The following DNAJC17 variants were observed in gnomAD, a reference collection of about 807,000 sequenced individuals.
DNAJC17 encodes the protein dnaJ homolog subfamily C member 17.
DNAJC17 carries 35 observed loss-of-function variants against 48.1 expected under a neutral mutation model. The observed-to-expected ratio is 0.73, with a 90% CI of 0.56 to 0.96. DNAJC17 has a LOEUF of 0.96. Among genes scored for constraint, DNAJC17 ranks in the 50% least tolerant of loss-of-function variants. The pLI, the probability that DNAJC17 is intolerant of heterozygous loss-of-function variation, is 0.00. For synonymous variants in DNAJC17, 117 were observed against 142.7 expected (o/e 0.82, Z 1.28); for missense variants, 355 against 377.1 (o/e 0.94, Z 0.48).
chr15:40,770,985 A>G lies in DNAJC17; in HGVS notation c.792+2742T>C. On this transcript the variant is annotated intron_variant, in intron 10 of 10. Transcript: ENST00000220496. This position sits in a 1 kb window ranked among gnomAD's most constrained non-coding sequence, Gnocchi z 5.0. The stretch of plus-strand genomic sequence containing the variant: ...TTCACTTCTTGAGGAAGTTCTGCAG[A>G]TGCTAAGGGAGCAGTTTCCTAGCGA... The G allele has an allele frequency of 6.4e-7, 1 of 1,551,208 alleles. No homozygotes were observed. Among genetic ancestry groups the G allele is most frequent in the Admixed American group, 2.0e-5 (1 of 51,000 alleles).
In DNAJC17 at chr15:40,776,238, T is replaced by C; in HGVS notation, c.436A>G (p.Ile146Val). 1 of 1,614,144 alleles carries C rather than the reference T, an allele frequency of 6.2e-7. No homozygotes were observed. The highest frequency in any genetic ancestry group is 8.5e-7 in the Non-Finnish European group (1 of 1,180,030). Residue 146 changes from isoleucine (I) to valine (V), a missense_variant, in exon 6 of 11, where the codon ATC (isoleucine) becomes GTC (valine). This residue lies in a region of DNAJC17 where 199 missense variants were observed against 199.9 expected (regional missense o/e 1.00). Coordinates refer to ENST00000220496, the MANE Select transcript of DNAJC17 (RefSeq NM_018163.3). ...SRQLEEQQRL[I>V]REQIRQERDQ... ...CGCTCCTGGCGTATCTGCTCCCGGATGAGCCTCTGCTGTTCCTCCAGCTGC... is the reference window on the plus strand; with the variant it reads ...CGCTCCTGGCGTATCTGCTCCCGGACGAGCCTCTGCTGTTCCTCCAGCTGC...
chr15:40,779,193 C>T lies in DNAJC17; in HGVS notation c.295+30G>A, dbSNP rs1406305953. On this transcript the variant is annotated intron_variant, in intron 4 of 10. Coordinates refer to ENST00000220496, the MANE Select transcript of DNAJC17 (RefSeq NM_018163.3). The stretch of plus-strand genomic sequence containing the variant: ...GAATGAAAATGACCACAGGAAACCA[C>T]AGGCCACCGAGCACTATGATGGCAC... 2.5e-6 allele frequency: 4 copies of T among 1,604,540 alleles called. No homozygotes were observed. In the East Asian group the frequency reaches 8.9e-5, roughly 36 times the overall value.
intron 10 of DNAJC17, chr15:40,771,003 C>A: frequency 6.4e-7 from 1 of 1,550,766 alleles, no homozygotes; most frequent in Non-Finnish European, 8.7e-7. Flanking sequence ...GGAGCAGTTT[C>A]CTAGCGAGCC....
chr15:40,807,459 A>G lies in DNAJC17; in HGVS notation c.-13T>C. Reference sequence around the variant, plus strand: ...TGGTCACTGCCATGGTTCCGGCCTGACGGATTCGTACTACAACTCCCAAGA... The same window carrying G: ...TGGTCACTGCCATGGTTCCGGCCTGGCGGATTCGTACTACAACTCCCAAGA... On this transcript the variant is annotated 5_prime_UTR_variant, in exon 1 of 11. Coordinates refer to ENST00000220496, the MANE Select transcript of DNAJC17 (RefSeq NM_018163.3). 6.2e-7 allele frequency: 1 copy of G among 1,614,130 alleles called. No individual in the cohort carries two copies. Among genetic ancestry groups the G allele is most frequent in the Non-Finnish European group, 8.5e-7 (1 of 1,179,976 alleles).
chr15:40,774,882 G>T, intron 8 of DNAJC17, 149 bp downstream of exon 8: 2 of 776,026 alleles, frequency 2.6e-6, no homozygotes, highest in South Asian at 1.8e-5. Context: ...CTGGGGAGAA[G>T]TCTCTAAGAC....
chr15:40,773,769 C>T lies in DNAJC17; in HGVS notation c.750G>A (p.Gln250=), dbSNP rs761956715. 2 of 1,614,026 alleles carry T rather than the reference C, an allele frequency of 1.2e-6. No homozygotes were observed. Among genetic ancestry groups the T allele is most frequent in the Non-Finnish European group, 1.7e-6 (2 of 1,179,990 alleles). ...GGCTGCGGCCCACGGCATCCTGGGGCTGTCCCTCCAACCAGGAAATCTTCA... is the reference window on the plus strand; with the variant it reads ...GGCTGCGGCCCACGGCATCCTGGGGTTGTCCCTCCAACCAGGAAATCTTCA... The part of the protein sequence containing the change: ...NPLKISWLEG[Q]PQDAVGRSHS... The change falls in exon 10 of 11, where the codon CAG becomes CAA. Residue 250 remains glutamine, a synonymous_variant. Transcript: ENST00000220496.
At chr15:40,771,075 GA>G (rs1319722452) in intron 10 of DNAJC17, 12 of 1,512,930 alleles carry the variant, frequency 7.9e-6, no homozygotes, top group Non-Finnish European at 9.8e-6. Flanking sequence ...AGAGGCTGGG[GA>G]TTAAGGAAAG....
At position 40,769,315 on chromosome 15, in the gene DNAJC17, G is replaced by A. The variant is rs1889051694; in HGVS notation, c.793-1253C>T. 6.6e-6 allele frequency among the ~76,000 whole-genome samples: 1 copy of A among 152,228 alleles called. No individual in the cohort carries two copies. The highest frequency in any genetic ancestry group is 2.4e-5 in the African/African-American group (1 of 41,466). On this transcript the variant is annotated intron_variant, in intron 10 of 10. Transcript: ENST00000220496. This position sits in a 1 kb window ranked among gnomAD's most constrained non-coding sequence, Gnocchi z 4.2. ...GAGGGGAAGGGCTGGAGCACAGCCAGGTAGGAGGCAACACGGCCCGGCCTT... is the reference window on the plus strand; with the variant it reads ...GAGGGGAAGGGCTGGAGCACAGCCAAGTAGGAGGCAACACGGCCCGGCCTT...
chr15:40,775,082 A>G lies in DNAJC17; in HGVS notation c.549T>C (p.Asp183=). The G allele has an allele frequency of 6.2e-7, 1 of 1,614,162 alleles. No homozygotes were observed. Among genetic ancestry groups the G allele is most frequent in the Admixed American group, 1.7e-5 (1 of 60,010 alleles). The part of the protein sequence containing the change: ...LKLKWKCKKE[D]ESKGGYSKDV... ...CTTTGGAGTAGCCACCTTTTGACTC[A>G]TCCTCCTTCTTGCACTTCCATTTTA... The change falls in exon 8 of 11, where the codon GAT becomes GAC. Residue 183 remains aspartate (D), a synonymous_variant. Transcript: ENST00000220496.
At position 40,770,771 on chromosome 15, in the gene DNAJC17, C is replaced by G. The variant is rs372111000; in HGVS notation, c.793-2709G>C. ...GCCTCTACCGAGAGAGCTCAAGCTG[C>G]CCCAACATCCTGGAGCCCCCACCTG... On this transcript the variant is annotated intron_variant, in intron 10 of 10. Coordinates refer to ENST00000220496, the MANE Select transcript of DNAJC17 (RefSeq NM_018163.3). This position sits in a 1 kb window ranked among gnomAD's most constrained non-coding sequence, Gnocchi z 5.0. 199 of 1,546,824 alleles carry G rather than the reference C, an allele frequency of 1.3e-4. 1 individual carries two copies. In the African/African-American group the frequency reaches 2.4e-3, roughly 19 times the overall value.
chr15:40,776,271 C>T lies in DNAJC17; in HGVS notation c.403G>A (p.Gly135Ser), dbSNP rs1432222355. The T allele has an allele frequency of 6.2e-7, 1 of 1,614,134 alleles. No homozygotes were observed. Among genetic ancestry groups the T allele is most frequent in the Non-Finnish European group, 8.5e-7 (1 of 1,180,024 alleles). The change falls in exon 6 of 11, where the codon GGT becomes AGT. Residue 135 changes from glycine (G) to serine (S), a missense_variant. Gly to Ser is a moderately conservative substitution (Grantham distance 56). Around this residue, in one of 3 missense-constraint regions of DNAJC17, gnomAD observed 199 missense variants for 199.9 expected, o/e 1.00. Transcript: ENST00000220496. ...TGCTGTTCCTCCAGCTGCCGGGAACCCTCTTCTCTCAGGCGTTCGATCTGC... is the reference window on the plus strand; with the variant it reads ...TGCTGTTCCTCCAGCTGCCGGGAACTCTCTTCTCTCAGGCGTTCGATCTGC... The part of the protein sequence containing the change: ...EQEIERLREE[G>S]SRQLEEQQRL...
At chr15:40,805,885 A>G (rs1378819096) in intron 1 of DNAJC17, among the ~76,000 whole-genome samples, 3 of 150,472 alleles carry the variant, frequency 2.0e-5, no homozygotes, top group Non-Finnish European at 4.4e-5. Flanking sequence ...AATAATTTGT[A>G]AACATAGAGC....
chr15:40,807,293 C>T (rs1245667705), intron 1 of DNAJC17, 76 bp downstream of exon 1: 1 of 1,612,548 alleles, frequency 6.2e-7, no homozygotes, highest in East Asian at 2.2e-5. Flanking sequence ...GAGCGGATGC[C>T]AGCAGTGGCC....
rs556294578 is a variant in DNAJC17 at position 40,768,292 on chromosome 15, T to C, written c.793-230A>G. ...TTCTACCCAGCCAGCTCCCCCTCCC[T>C]TTCCCCAGGCCGCGTCAGCTCCGGT... On this transcript the variant is annotated intron_variant, in intron 10 of 10. Coordinates refer to ENST00000220496, the MANE Select transcript of DNAJC17 (RefSeq NM_018163.3). Among the ~76,000 whole-genome samples the C allele has an allele frequency of 3.3e-5, 5 of 152,234 alleles. No homozygotes were observed. In the South Asian group the frequency reaches 8.3e-4, roughly 25 times the overall value.
intron 1 of DNAJC17, 182 bp from the exon 2 acceptor site, chr15:40,780,179 C>G (rs1050745703): frequency 1.4e-6 from 1 of 694,428 alleles, no homozygotes; most frequent in African/African-American, 1.8e-5. Context: ...GAGTGAGCCA[C>G]TGTCGCCCAG....
Position 40,769,602 on chromosome 15 carries a change from C to T in DNAJC17, c.793-1540G>A, listed in dbSNP as rs2141943815. Among the ~76,000 whole-genome samples, 1 of 152,362 alleles carries T rather than the reference C, an allele frequency of 6.6e-6. No homozygotes were observed. The highest frequency in any genetic ancestry group is 2.4e-5 in the African/African-American group (1 of 41,592). On this transcript the variant is annotated intron_variant, in intron 10 of 10. Coordinates refer to ENST00000220496, the MANE Select transcript of DNAJC17 (RefSeq NM_018163.3). The surrounding 1 kb of genome is among the most constrained non-coding windows in gnomAD (Gnocchi z 4.2). ...CCTGTTCCTGCTCGTGAGGGCCTGA[C>T]AGCGGGGCTGAGTCACCCATACCAG...
In DNAJC17 at chr15:40,779,609, C is replaced by T. The variant is rs777643471; in HGVS notation, c.149-6G>A. On this transcript the variant is annotated splice_polypyrimidine_tract_variant and splice_region_variant and intron_variant, in intron 2 of 10. Transcript: ENST00000220496. ...AAGCTGGTGGAAGAGTTCAGCTAAA[C>T]ATAAGGATCAAAAAGACAGAAGAAA... 1.9e-6 allele frequency: 3 copies of T among 1,613,426 alleles called. No homozygotes were observed.
chr15:40,776,492 A>T, intron 5 of DNAJC17, 50 bp downstream of exon 5: 1 of 1,599,560 alleles, frequency 6.3e-7, no homozygotes, highest in Non-Finnish European at 8.6e-7. Context: ...ATCCTCCCCC[A>T]CCTCCTCCTC....
In DNAJC17 at chr15:40,766,711, C is replaced by T. The variant is rs1330536376; in HGVS notation, c.*1229G>A. 1 of 152,466 alleles carries T rather than the reference C, an allele frequency of 6.6e-6. No individual in the cohort carries two copies. The highest frequency in any genetic ancestry group is 1.5e-5 in the Non-Finnish European group (1 of 68,198). 9.4% of individuals were successfully genotyped at this position (152,466 alleles called of 1,614,324 possible). A position where few individuals can be genotyped will look rare whatever the true frequency, so the allele number is the denominator to read the frequency against. ...CATGCTAGGGAGTGGCGCACAGAGC[C>T]AGGAGCTACTGGGGCTCAGCCTTGT... On this transcript the variant is annotated 3_prime_UTR_variant, in exon 11 of 11. Coordinates refer to ENST00000220496, the MANE Select transcript of DNAJC17 (RefSeq NM_018163.3).
Sources: gnomAD v4.1 joint callset for allele counts (sites outside exome capture counted in the v4.1 genomes callset) on GRCh38, gnomAD v4.1.1 for gene constraint, gnomAD v4.1.1 regional missense constraint, Gnocchi (gnomAD v3.1) non-coding constraint, MANE v1.5 for transcripts, NCBI Gene and HGNC (gene_info 2026-07-23, HGNC 2026-07-21) for gene names.